The following SH3RF1 variants were observed in gnomAD, a reference collection of about 807,000 sequenced individuals.
The protein encoded by SH3RF1 is SH3 domain containing ring finger 1.
In SH3RF1, 32 loss-of-function variants were observed where a neutral mutation model predicts 74.0. The observed-to-expected ratio is 0.43, with a 90% CI of 0.33 to 0.58. SH3RF1 has a LOEUF of 0.58. SH3RF1 is among the 20% of genes least tolerant of loss of function. The pLI, the probability that SH3RF1 is intolerant of heterozygous loss-of-function variation, is 0.05. For synonymous variants in SH3RF1, 396 were observed against 439.6 expected (o/e 0.90, Z 1.24); for missense variants, 954 against 1,130.9 (o/e 0.84, Z 2.24).
intron 2 of SH3RF1, among the ~76,000 whole-genome samples, chr4:169,229,212 T>A (rs752575977): frequency 6.6e-6 from 1 of 152,146 alleles, no homozygotes; most frequent in Admixed American, 6.6e-5. Flanking sequence ...TCTTTATAAT[T>A]CCTTTTTTAT....
intron 2 of SH3RF1, among the ~76,000 whole-genome samples, chr4:169,240,809 T>C (rs1216197499): frequency 1.3e-5 from 2 of 152,212 alleles, no homozygotes; most frequent in Admixed American, 1.3e-4. Context: ...TTCATTACCA[T>C]ACTTATACCG....
chr4:169,262,645 T>G (rs999239920), intron 2 of SH3RF1, among the ~76,000 whole-genome samples: 8 of 152,106 alleles, frequency 5.3e-5, no homozygotes, highest in Non-Finnish European at 1.2e-4. Context: ...CCAGCCTGGG[T>G]GACAGAGTGA....
intron 2 of SH3RF1, among the ~76,000 whole-genome samples, chr4:169,251,820 C>T (rs1031275520): frequency 6.6e-6 from 1 of 152,178 alleles, no homozygotes; most frequent in African/African-American, 2.4e-5. Flanking sequence ...TTTAGGGCTG[C>T]GCAGCCTACT....
chr4:169,229,258 A>G (rs1415722254), intron 2 of SH3RF1, among the ~76,000 whole-genome samples: 1 of 152,202 alleles, frequency 6.6e-6, no homozygotes, highest in African/African-American at 2.4e-5. Context: ...TTTGAATTTA[A>G]TTAAAAACAG....
intron 2 of SH3RF1, among the ~76,000 whole-genome samples, chr4:169,163,601 T>C (rs1329818388): frequency 1.3e-5 from 2 of 152,212 alleles, no homozygotes; most frequent in Non-Finnish European, 2.9e-5. Context: ...ATCACCTATG[T>C]CTTTACAATC....
chr4:169,191,555 A>C (rs1458798959), intron 2 of SH3RF1, among the ~76,000 whole-genome samples: 3 of 152,194 alleles, frequency 2.0e-5, no homozygotes, highest in Non-Finnish European at 4.4e-5. Context: ...TCTATAATTC[A>C]TGTGGAACCA....
intron 2 of SH3RF1, among the ~76,000 whole-genome samples, chr4:169,229,519 C>T (rs1020012895): frequency 1.4e-4 from 21 of 151,204 alleles, no homozygotes; most frequent in Non-Finnish European, 2.7e-4. Context: ...TGGAAAAGGA[C>T]GTATACCATG....
At chr4:169,256,135 G>A (rs1731190098) in intron 2 of SH3RF1, among the ~76,000 whole-genome samples, 1 of 152,116 alleles carries the variant, frequency 6.6e-6, no homozygotes, top group Non-Finnish European at 1.5e-5. Context: ...AAAGTCTTAG[G>A]AGTCTAAGTC....
intron 11 of SH3RF1, among the ~76,000 whole-genome samples, chr4:169,102,276 T>C (rs1733051129): frequency 6.6e-6 from 1 of 152,254 alleles, no homozygotes; most frequent in Non-Finnish European, 1.5e-5. Context: ...TCCTTGTCAC[T>C]GATTCAAAGA....
intron 2 of SH3RF1, among the ~76,000 whole-genome samples, chr4:169,255,598 T>C (rs1481776731): frequency 9.2e-6 from 1 of 109,240 alleles, no homozygotes; most frequent in African/African-American, 3.0e-5. Flanking sequence ...TATGCATGGA[T>C]ACATACACAC....
chr4:169,270,466 G>A (rs28692996), intron 1 of SH3RF1, among the ~76,000 whole-genome samples: 139,738 of 152,290 alleles, frequency 0.92, 65,228 homozygotes, highest in East Asian at 1. Flanking sequence ...CACGACTGCG[G>A]GAAGTTTTCA....
chr4:169,149,390 C>G (rs556492200), intron 4 of SH3RF1, among the ~76,000 whole-genome samples: 29 of 152,008 alleles, frequency 1.9e-4, no homozygotes, highest in African/African-American at 6.8e-4. Context: ...GAAGGAAAAG[C>G]AATAATTACT....
chr4:169,265,774 C>A (rs1368350882), intron 2 of SH3RF1, among the ~76,000 whole-genome samples: 2 of 152,148 alleles, frequency 1.3e-5, no homozygotes, highest in East Asian at 3.8e-4. Flanking sequence ...CCACACCTGG[C>A]CAGCTTAAGA....
intron 2 of SH3RF1, among the ~76,000 whole-genome samples, chr4:169,228,349 G>A (rs149010427): frequency 2.6e-5 from 4 of 152,044 alleles, no homozygotes; most frequent in Admixed American, 2.6e-4. Context: ...GTACAAAATG[G>A]GTCTCTCTGA....
At chr4:169,261,189 C>G (rs1308838184) in intron 2 of SH3RF1, among the ~76,000 whole-genome samples, 1 of 152,186 alleles carries the variant, frequency 6.6e-6, no homozygotes, top group African/African-American at 2.4e-5. Context: ...CACAGCCAGC[C>G]CATGGCAGTG....
intron 11 of SH3RF1, among the ~76,000 whole-genome samples, chr4:169,103,188 G>A (rs1733072038): frequency 6.8e-6 from 1 of 146,396 alleles, no homozygotes; most frequent in Admixed American, 7.0e-5. Context: ...CACCCACCTT[G>A]GCCTCCCAAA....
intron 4 of SH3RF1, among the ~76,000 whole-genome samples, chr4:169,151,552 G>A (rs2126962463): frequency 6.6e-6 from 1 of 152,260 alleles, no homozygotes; most frequent in Non-Finnish European, 1.5e-5. Context: ...GTGAAGAGGA[G>A]GCACTCCCTT....
intron 2 of SH3RF1, among the ~76,000 whole-genome samples, chr4:169,239,764 C>T (rs1044790872): frequency 4.7e-4 from 71 of 152,116 alleles, no homozygotes; most frequent in African/African-American, 1.7e-3. Flanking sequence ...CTGACTCCAG[C>T]AATCCCAGCA....
chr4:169,178,230 G>A (rs1734452244), intron 2 of SH3RF1, among the ~76,000 whole-genome samples: 1 of 119,580 alleles, frequency 8.4e-6, no homozygotes, highest in Non-Finnish European at 1.8e-5. Context: ...GACAGAGTGA[G>A]ACTCTGTCTC....
Sources: allele counts gnomAD v4.1 joint callset (sites outside exome capture counted in the v4.1 genomes callset), GRCh38; gene constraint gnomAD v4.1.1; transcripts MANE v1.5; gene names NCBI Gene and HGNC (gene_info 2026-07-23, HGNC 2026-07-21).